The following BSN variants were observed in gnomAD, a reference collection of about 807,000 sequenced individuals.
The protein encoded by BSN is protein bassoon.
In BSN, 57 loss-of-function variants were observed where a neutral mutation model predicts 264.8. The observed-to-expected ratio is 0.22, with a 90% CI of 0.17 to 0.27. The LOEUF is 0.27. Ranked by LOEUF, BSN falls within the 10% of genes least tolerant of loss-of-function variation. The pLI is 1.00. For synonymous variants in BSN, 2,059 were observed against 2,137.3 expected (o/e 0.96, Z 1.01); for missense variants, 4,615 against 5,232.5 (o/e 0.88, Z 3.64).
intron 8 of BSN, 106 bp downstream of exon 8, chr3:49,663,992 A>C: frequency 9.1e-7 from 1 of 1,098,000 alleles, no homozygotes; most frequent in Non-Finnish European, 1.3e-6. Context: ...GCCCTCACTA[A>C]TCCCTGAGAA....
rs531180672 is a variant in BSN, at chr3:49,671,161, T to C, written c.*3676T>C. On this transcript the variant is annotated 3_prime_UTR_variant, in exon 12 of 12. Transcript: ENST00000296452. This position sits in a 1 kb window ranked among gnomAD's most constrained non-coding sequence, Gnocchi z 4.1. Reference sequence around the variant, plus strand: ...GTGTATGTGCGTGCGTGCGTGCGTGTGTGTGTGTGTGTGTGTTTCTGCCTC... The same window carrying C: ...GTGTATGTGCGTGCGTGCGTGCGTGCGTGTGTGTGTGTGTGTTTCTGCCTC... 1.5e-3 allele frequency: 236 copies of C among 152,390 alleles called. No homozygotes were observed. The highest frequency in any genetic ancestry group is 5.1e-3 in the African/African-American group (212 of 41,394). 9.4% of individuals were successfully genotyped at this position (152,390 alleles called of 1,614,324 possible).
chr3:49,560,746 G>A (rs1488258413), intron 1 of BSN, among the ~76,000 whole-genome samples: 2 of 152,198 alleles, frequency 1.3e-5, no homozygotes, highest in African/African-American at 4.8e-5. Context: ...AGTGGTTGAA[G>A]CTGTGGAGTG....
intron 2 of BSN, among the ~76,000 whole-genome samples, chr3:49,631,500 A>G (rs145549228): frequency 0.025 from 3,811 of 151,392 alleles, 84 homozygotes; most frequent in Middle Eastern, 0.041. Flanking sequence ...TCTAGGCTAC[A>G]TGAGCCATGA....
chr3:49,599,183 T>G (rs1262071368), intron 1 of BSN, among the ~76,000 whole-genome samples: 1 of 152,188 alleles, frequency 6.6e-6, no homozygotes, highest in Non-Finnish European at 1.5e-5. Flanking sequence ...CTGGTGAGGC[T>G]TCCTCATTTT....
rs2052580622 is a variant in BSN, at chr3:49,654,745, C to T, written c.5189C>T (p.Thr1730Ile). Residue 1730 changes from threonine to isoleucine, a missense_variant, in exon 5 of 12, where the codon ACC becomes ATC. Coordinates refer to ENST00000296452, the MANE Select transcript of BSN (RefSeq NM_003458.4). This position sits in a 1 kb window ranked among gnomAD's most constrained non-coding sequence, Gnocchi z 4.1. Reference sequence around the variant, plus strand: ...GAGCATACCTTCCTTGCTACTGCCACCACCGTGAGCATCACCATGGCCTCG... The same window carrying T: ...GAGCATACCTTCCTTGCTACTGCCATCACCGTGAGCATCACCATGGCCTCG... ...AQEHTFLATA[T>I]TVSITMASSV... The T allele has an allele frequency of 6.2e-7, 1 of 1,613,604 alleles. No homozygotes were observed. The highest frequency in any genetic ancestry group is 1.3e-5 in the African/African-American group (1 of 74,936).
At chr3:49,557,946 A>G (rs897392367) in intron 1 of BSN, among the ~76,000 whole-genome samples, 2 of 152,150 alleles carry the variant, frequency 1.3e-5, no homozygotes, top group African/African-American at 4.8e-5. Flanking sequence ...AAGAGCAAGC[A>G]CAGTTATTGG....
intron 1 of BSN, among the ~76,000 whole-genome samples, chr3:49,588,416 G>C (rs768462579): frequency 2.6e-5 from 4 of 152,100 alleles, no homozygotes; most frequent in Non-Finnish European, 4.4e-5. Flanking sequence ...TAGGTCTGTC[G>C]TATATGGCTT....
At chr3:49,631,186 A>G (rs564185315) in intron 2 of BSN, among the ~76,000 whole-genome samples, 1 of 152,116 alleles carries the variant, frequency 6.6e-6, no homozygotes, top group Non-Finnish European at 1.5e-5. Flanking sequence ...GAACCACACA[A>G]GCAAACACAC....
At chr3:49,580,591 A>G (rs2051889118) in intron 1 of BSN, among the ~76,000 whole-genome samples, 1 of 151,120 alleles carries the variant, frequency 6.6e-6, no homozygotes, top group African/African-American at 2.4e-5. Flanking sequence ...AGCCTCCCAA[A>G]GGGACTACAG....
Position 49,642,698 on chromosome 3 carries a change from C to T in BSN, c.1064C>T (p.Ala355Val), listed in dbSNP as rs150570799. ...GLTGKLFGLG[A>V]SLLTQASTLM... ...ACTGGTAAGCTCTTCGGCCTTGGCG[C>T]GTCACTGCTAACCCAGGCGAGCACC... Residue 355 changes from alanine to valine, a missense_variant, in exon 3 of 12, where the codon GCG becomes GTG. Physicochemically the swap from Ala to Val is moderately conservative, Grantham distance 64. Transcript: ENST00000296452. This position sits in a 1 kb window ranked among gnomAD's most constrained non-coding sequence, Gnocchi z 7.0. The T allele has an allele frequency of 2.7e-5, 44 of 1,613,182 alleles. No homozygotes were observed. Among genetic ancestry groups the T allele is most frequent in the African/African-American group, 5.3e-5 (4 of 75,062 alleles).
At chr3:49,659,751 G>A (rs1559618281) in intron 5 of BSN, among the ~76,000 whole-genome samples, 1 of 152,188 alleles carries the variant, frequency 6.6e-6, no homozygotes, top group African/African-American at 2.4e-5. Flanking sequence ...TGCTGCTGGA[G>A]GTAGGGCTGG....
rs200946900 is a variant in BSN, at chr3:49,625,190, A to T, written c.440A>T (p.Asp147Val). 502 of 1,561,364 alleles carry T rather than the reference A, an allele frequency of 3.2e-4. 2 individuals are homozygous for T. The highest frequency in any genetic ancestry group is 1.3e-5 in the Non-Finnish European group (15 of 1,151,940). The change falls in exon 2 of 12, where the codon GAC (aspartate) becomes GTC (valine). Residue 147 changes from aspartate to valine, a missense_variant. This residue lies in a region of BSN where 1,197 missense variants were observed against 1,348.0 expected (regional missense o/e 0.89). Transcript: ENST00000296452. The surrounding 1 kb of genome is among the most constrained non-coding windows in gnomAD (Gnocchi z 4.4). ...GGGCGGTCCCCCTCAGTGTCACCGG[A>T]CAGAGGCAGCACCCCCACATCACCC... ...RSGRSPSVSPDRGSTPTSPYS... is the reference protein window; with the variant it reads ...RSGRSPSVSPVRGSTPTSPYS...
Position 49,654,876 on chromosome 3 carries a change from G to A in BSN, c.5320G>A (p.Val1774Ile), listed in dbSNP as rs756153514. The A allele has an allele frequency of 1.2e-6, 2 of 1,613,488 alleles. No homozygotes were observed. Among genetic ancestry groups the A allele is most frequent in the Non-Finnish European group, 1.7e-6 (2 of 1,179,970 alleles). The change falls in exon 5 of 12, where the codon GTC becomes ATC. Residue 1774 changes from valine (V) to isoleucine (I), a missense_variant. This residue lies in a region of BSN where 3,415 missense variants were observed against 3,866.4 expected (regional missense o/e 0.88). Transcript: ENST00000296452. This position sits in a 1 kb window ranked among gnomAD's most constrained non-coding sequence, Gnocchi z 4.1. ...GGGTAGCCCTGTGTGCCTGGCCCAG[G>A]TCAAACAAGTAGAGCAGGCTGTCCA... ...GGGSPVCLAQ[V>I]KQVEQAVQTA...
chr3:49,591,795 C>T (rs2051979732), intron 1 of BSN, among the ~76,000 whole-genome samples: 1 of 151,972 alleles, frequency 6.6e-6, no homozygotes, highest in Admixed American at 6.6e-5. Context: ...TGGCATGTTG[C>T]CCAGGCTGGT....
Position 49,653,608 on chromosome 3 carries a change from A to C in BSN, c.4052A>C (p.Gln1351Pro), listed in dbSNP as rs778951361. The change falls in exon 5 of 12, where the codon CAG (glutamine) becomes CCG (proline). Residue 1351 changes from glutamine to proline, a missense_variant. Physicochemically the swap from Gln to Pro is moderately conservative, Grantham distance 76. Coordinates refer to ENST00000296452, the MANE Select transcript of BSN (RefSeq NM_003458.4). The surrounding 1 kb of genome is among the most constrained non-coding windows in gnomAD (Gnocchi z 6.3). ...RVTQHFAKET[Q>P]DPLKLHSSPA... ...ACTCAGCATTTTGCAAAGGAGACTC[A>C]GGACCCCCTCAAGCTGCACAGCTCT... The C allele has an allele frequency of 1.2e-6, 2 of 1,613,766 alleles. No homozygotes were observed. The highest frequency in any genetic ancestry group is 2.2e-5 in the South Asian group (2 of 91,064).
In BSN at chr3:49,638,721, G is replaced by A. The variant is rs1310697903; in HGVS notation, c.634-3547G>A. ...CCACAGCCTGGATGACAGGGGCTGGGGAAAGGAAAGTTCTGGCGGTGAGTG... is the reference window on the plus strand; with the variant it reads ...CCACAGCCTGGATGACAGGGGCTGGAGAAAGGAAAGTTCTGGCGGTGAGTG... On this transcript the variant is annotated intron_variant, in intron 2 of 11. Transcript: ENST00000296452. The surrounding 1 kb of genome is among the most constrained non-coding windows in gnomAD (Gnocchi z 4.3). Among the ~76,000 whole-genome samples, 1 of 152,216 alleles carries A rather than the reference G, an allele frequency of 6.6e-6. No individual in the cohort carries two copies. The highest frequency in any genetic ancestry group is 2.4e-5 in the African/African-American group (1 of 41,460).
rs753522246 is a variant in BSN, at chr3:49,657,155, C to G, written c.7599C>G (p.Ser2533Arg). ...CTGTGCTGCACCGGGGTCTCCCCAG[C>G]TCTGCCTCAGACATGTCACTGCAAA... ...REPVLHRGLPSSASDMSLQTE... is the reference protein window; with the variant it reads ...REPVLHRGLPRSASDMSLQTE... The change falls in exon 5 of 12, where the codon AGC becomes AGG. Residue 2533 changes from serine (S) to arginine (R), a missense_variant. Coordinates refer to ENST00000296452, the MANE Select transcript of BSN (RefSeq NM_003458.4). 1 of 1,613,362 alleles carries G rather than the reference C, an allele frequency of 6.2e-7. No homozygotes were observed. Among genetic ancestry groups the G allele is most frequent in the South Asian group, 1.1e-5 (1 of 91,082 alleles).
At position 49,556,528 on chromosome 3, in the gene BSN, C is replaced by T. The variant is rs910645444; in HGVS notation, c.224+1702C>T. ...CTCTTACCTGGCTGTGGGCAAGGCT[C>T]ATACCTGAGCCTGTGGTGCTGAGGT... On this transcript the variant is annotated intron_variant, in intron 1 of 11. Transcript: ENST00000296452. Among the ~76,000 whole-genome samples, 3 of 152,176 alleles carry T rather than the reference C, an allele frequency of 2.0e-5. No homozygotes were observed. In the East Asian group the frequency reaches 5.8e-4, roughly 29 times the overall value.
At chr3:49,620,445 G>GA (rs1232858395) in intron 1 of BSN, among the ~76,000 whole-genome samples, 17 of 128,624 alleles carry the variant, frequency 1.3e-4, no homozygotes, top group East Asian at 4.4e-4. Flanking sequence ...CAAAACTAAA[G>GA]AAAAAAAAAA....
Sources: gnomAD v4.1 joint callset for allele counts (sites outside exome capture counted in the v4.1 genomes callset) on GRCh38, gnomAD v4.1.1 for gene constraint, gnomAD v4.1.1 regional missense constraint, Gnocchi (gnomAD v3.1) non-coding constraint, MANE v1.5 for transcripts, NCBI Gene and HGNC (gene_info 2026-07-23, HGNC 2026-07-21) for gene names.